CBFB: variants seen among roughly 807,000 people sequenced by gnomAD.
CBFB encodes the protein core-binding factor subunit beta.
A neutral mutation model predicts 30.4 loss-of-function variants in CBFB; 9 were observed. That is an observed-to-expected ratio of 0.30 (90% confidence interval 0.18 to 0.52). CBFB has a LOEUF of 0.52. CBFB is among the 20% of genes least tolerant of loss of function. CBFB has a pLI of 0.97. For missense variants in CBFB, 170 were observed against 244.0 expected (o/e 0.70, Z 2.02); for synonymous variants, 94 against 84.0 (o/e 1.12, Z -0.65).
In CBFB at chr16:67,053,177, TA is replaced by T. The variant is rs1045951976; in HGVS notation, c.283-13497del. 3.3e-5 allele frequency among the ~76,000 whole-genome samples: 5 copies of T among 151,442 alleles called. No individual in the cohort carries two copies. The East Asian group carries it at 9.7e-4, about 29-fold the overall frequency. On this transcript the variant is annotated intron_variant, in intron 3 of 5. Transcript: ENST00000412916. ...TCTAAATAACGCATTGTTTAGTTTT[TA>T]AAAAAAATGAAACTAGGAAGCACAC...
At chr16:67,082,387 CA>C (rs1292322213) in intron 5 of CBFB, 79 bp downstream of exon 5, 1 of 1,530,688 alleles carries the variant, frequency 6.5e-7, no homozygotes, top group East Asian at 2.3e-5. Flanking sequence ...GATGTTTGTG[CA>C]TAATGCTTTT....
chr16:67,038,326 ATG>A (rs1371282992), intron 3 of CBFB, among the ~76,000 whole-genome samples: 10 of 149,806 alleles, frequency 6.7e-5, no homozygotes, highest in East Asian at 3.9e-4. Context: ...ATATACGTAT[ATG>A]TGTGTGTATA....
At position 67,067,196 on chromosome 16, in the gene CBFB, C is replaced by T. The variant is rs558785828; in HGVS notation, c.399+398C>T. On this transcript the variant is annotated intron_variant, in intron 4 of 5. Transcript: ENST00000412916. ...CTCTCCCAAGAAAGCAATGATAAAA[C>T]TTGACAAAAATTGTTTAAAAAAAAA... is the stretch of plus-strand genomic sequence containing the variant. Among the ~76,000 whole-genome samples the T allele has an allele frequency of 2.7e-5, 4 of 149,088 alleles. No individual in the cohort carries two copies. In the South Asian group the frequency reaches 6.3e-4, roughly 24 times the overall value.
chr16:67,054,035 AT>A (rs1274506155), intron 3 of CBFB, among the ~76,000 whole-genome samples: 2 of 151,908 alleles, frequency 1.3e-5, no homozygotes, highest in African/African-American at 4.8e-5. Flanking sequence ...CATCCTCAGA[AT>A]GTCCATCTCT....
intron 1 of CBFB, 70 bp downstream of exon 1, chr16:67,029,555 G>C (rs1966294251): frequency 6.8e-7 from 1 of 1,471,958 alleles, no homozygotes; most frequent in African/African-American, 1.5e-5. Flanking sequence ...AGAAAAGTTT[G>C]GGCGGCACGG....
rs377177535 is a variant in CBFB, at chr16:67,044,268, A to G, written c.282+7513A>G. On this transcript the variant is annotated intron_variant, in intron 3 of 5. Transcript: ENST00000412916. ...TGACTTTAAAGATAAGGGGTATGAA[A>G]ATCATTTCATAAAAGGAAAAAAATG... 2.6e-5 allele frequency among the ~76,000 whole-genome samples: 4 copies of G among 152,184 alleles called. No homozygotes were observed. The East Asian group carries it at 5.8e-4, about 22-fold the overall frequency.
chr16:67,082,336 A>T (rs1163696533), intron 5 of CBFB, 28 bp downstream of exon 5: 1 of 1,609,812 alleles, frequency 6.2e-7, no homozygotes, highest in Non-Finnish European at 8.5e-7. Context: ...GCTGGCAGTA[A>T]CTGGTTAGTA....
chr16:67,052,159 C>T lies in CBFB; in HGVS notation c.283-14523C>T, dbSNP rs1413326230. 3.9e-5 allele frequency among the ~76,000 whole-genome samples: 6 copies of T among 152,230 alleles called. No individual in the cohort carries two copies. The East Asian group carries it at 5.8e-4, about 15-fold the overall frequency. ...CCTCCCGCAGTGCTGGGATTGCAGG[C>T]GTGAGCCACTGTGCCTGACCCAAGA... is the stretch of plus-strand genomic sequence containing the variant. On this transcript the variant is annotated intron_variant, in intron 3 of 5. Coordinates refer to ENST00000412916, the MANE Select transcript of CBFB (RefSeq NM_022845.3).
At chr16:67,086,889 G>T (rs1322018644) in intron 5 of CBFB, among the ~76,000 whole-genome samples, 1 of 152,122 alleles carries the variant, frequency 6.6e-6, no homozygotes, top group African/African-American at 2.4e-5. Context: ...AAAAGGGACA[G>T]CAGCAGTGTA....
At position 67,099,313 on chromosome 16, in the gene CBFB, AG is replaced by A; in HGVS notation, c.*537del. Reference sequence around the variant, plus strand: ...TGCTGATGTTGTTTGCATTATTTACAGGCTAAAAACTTAGTAGCATAGAGCT... The same window carrying A: ...TGCTGATGTTGTTTGCATTATTTACAGCTAAAAACTTAGTAGCATAGAGCT... On this transcript the variant is annotated 3_prime_UTR_variant, in exon 6 of 6. Transcript: ENST00000412916. The A allele has an allele frequency of 4.4e-6, 1 of 229,190 alleles. No individual in the cohort carries two copies. Among genetic ancestry groups the A allele is most frequent in the Non-Finnish European group, 8.6e-6 (1 of 115,610 alleles). The allele number at this position is 229,190 out of a possible 1,614,324, so 14.2% of individuals were successfully genotyped here.
intron 3 of CBFB, among the ~76,000 whole-genome samples, chr16:67,060,217 A>G (rs1960866430): frequency 6.6e-6 from 1 of 152,010 alleles, no homozygotes; most frequent in African/African-American, 2.4e-5. Flanking sequence ...GAGCTCAAGC[A>G]GTCCTCCCAA....
chr16:67,091,737 T>G (rs1414105332), intron 5 of CBFB, among the ~76,000 whole-genome samples: 11 of 152,250 alleles, frequency 7.2e-5, no homozygotes. Context: ...TTTAAAATTT[T>G]TTTTTAATTT....
intron 5 of CBFB, among the ~76,000 whole-genome samples, chr16:67,090,460 A>G (rs190855469): frequency 6.6e-6 from 1 of 152,180 alleles, no homozygotes. Flanking sequence ...TGGGGTATAT[A>G]TGTCTATAAC....
At chr16:67,038,480 G>A (rs1048903876) in intron 3 of CBFB, among the ~76,000 whole-genome samples, 2 of 151,938 alleles carry the variant, frequency 1.3e-5, no homozygotes, top group African/African-American at 4.8e-5. Flanking sequence ...CTTTGGATTA[G>A]AAAAGGGAAA....
intron 4 of CBFB, among the ~76,000 whole-genome samples, chr16:67,069,545 AAG>A (rs1309254662): frequency 6.6e-6 from 1 of 152,166 alleles, no homozygotes; most frequent in Admixed American, 6.6e-5. Flanking sequence ...AAAGGAAAGA[AAG>A]AGGTTGAAGA....
At chr16:67,030,964 CA>C (rs1966332514) in intron 2 of CBFB, among the ~76,000 whole-genome samples, 1 of 152,128 alleles carries the variant, frequency 6.6e-6, no homozygotes, top group Non-Finnish European at 1.5e-5. Flanking sequence ...GACTTGGACT[CA>C]CTGCATTGTT....
At chr16:67,052,552 G>A (rs1405460926) in intron 3 of CBFB, among the ~76,000 whole-genome samples, 1 of 151,586 alleles carries the variant, frequency 6.6e-6, no homozygotes, top group Non-Finnish European at 1.5e-5. Flanking sequence ...ATCCAACCTG[G>A]GTGAAGGAGG....
At position 67,066,846 on chromosome 16, in the gene CBFB, T is replaced by C. The variant is rs556215459; in HGVS notation, c.399+48T>C. On this transcript the variant is annotated intron_variant, in intron 4 of 5. Transcript: ENST00000412916. ...TGAGCATGGTCCCTTTAGTCCCTAATCTTGCCTTTGCCTGGGGACCTATTT... is the reference window on the plus strand; with the variant it reads ...TGAGCATGGTCCCTTTAGTCCCTAACCTTGCCTTTGCCTGGGGACCTATTT... The C allele has an allele frequency of 4.5e-6, 5 of 1,108,368 alleles. No homozygotes were observed. In the East Asian group the frequency reaches 1.2e-4, roughly 27 times the overall value. The allele number at this position is 1,108,368 out of a possible 1,614,324, so 68.7% of individuals were successfully genotyped here.
At position 67,043,753 on chromosome 16, in the gene CBFB, A is replaced by G. The variant is rs181253262; in HGVS notation, c.282+6998A>G. ...CAGAATATGTGAAAATGCCTTTTAA[A>G]TTGTAAACCCCTGTCTACAGTTAGG... is the stretch of plus-strand genomic sequence containing the variant. On this transcript the variant is annotated intron_variant, in intron 3 of 5. Coordinates refer to ENST00000412916, the MANE Select transcript of CBFB (RefSeq NM_022845.3). 1.6e-3 allele frequency among the ~76,000 whole-genome samples: 250 copies of G among 152,334 alleles called. 5 individuals are homozygous for G. The highest frequency in any genetic ancestry group is 0.015 in the Admixed American group (231 of 15,308).
Sources: allele counts gnomAD v4.1 joint callset (sites outside exome capture counted in the v4.1 genomes callset), GRCh38; gene constraint gnomAD v4.1.1; transcripts MANE v1.5; gene names NCBI Gene and HGNC (gene_info 2026-07-23, HGNC 2026-07-21).